Variants in ATRN observed in about 807,000 individuals in gnomAD.
ATRN encodes the protein attractin.
A neutral mutation model predicts 178.7 loss-of-function variants in ATRN; 54 were observed. That is an observed-to-expected ratio of 0.30 (90% CI 0.24 to 0.38). ATRN has a LOEUF of 0.38. Among genes scored for constraint, ATRN ranks in the 10% least tolerant of loss-of-function variants. The pLI is 1.00. For missense variants in ATRN, 1,443 were observed against 1,815.1 expected, an observed-to-expected ratio of 0.79 and a Z score of 3.73; for synonymous variants, 636 against 663.0, an observed-to-expected ratio of 0.96 and a Z score of 0.63.
intron 25 of ATRN, among the ~76,000 whole-genome samples, chr20:3,634,108 A>G (rs2087008062): frequency 6.6e-6 from 1 of 152,218 alleles, no homozygotes; most frequent in African/African-American, 2.4e-5. Context: ...GATACAGTCT[A>G]GAGGCCTGGT....
chr20:3,508,691 A>G (rs2085081157), intron 1 of ATRN, among the ~76,000 whole-genome samples: 1 of 152,234 alleles, frequency 6.6e-6, no homozygotes, highest in Non-Finnish European at 1.5e-5. Context: ...AGAGATTCTA[A>G]GAGGAATGAG....
At chr20:3,489,588 T>C in intron 1 of ATRN, 27 of 1,485,440 alleles carry the variant, frequency 1.8e-5, no homozygotes, top group Non-Finnish European at 2.3e-5. Flanking sequence ...ACATTCCCAC[T>C]TGAGTCTTCA....
intron 3 of ATRN, among the ~76,000 whole-genome samples, chr20:3,543,820 C>T (rs2085660279): frequency 6.6e-6 from 1 of 152,048 alleles, no homozygotes; most frequent in East Asian, 1.9e-4. Context: ...ATTACTTGAT[C>T]CCAGGAGTTC....
At chr20:3,478,674 TAA>T in intron 1 of ATRN, among the ~76,000 whole-genome samples, 1 of 152,294 alleles carries the variant, frequency 6.6e-6, no homozygotes, top group Middle Eastern at 3.4e-3. Flanking sequence ...TCCCAGAACT[TAA>T]AGTGTAATAA....
At chr20:3,555,823 G>A (rs2085869327) in intron 6 of ATRN, among the ~76,000 whole-genome samples, 6 of 152,204 alleles carry the variant, frequency 3.9e-5, no homozygotes, top group Admixed American at 3.9e-4. Flanking sequence ...AAGTGGCATC[G>A]TAGCTAGTGC....
intron 24 of ATRN, among the ~76,000 whole-genome samples, chr20:3,623,635 C>T (rs905337793): frequency 7.9e-5 from 12 of 152,040 alleles, no homozygotes; most frequent in African/African-American, 2.4e-4. Flanking sequence ...GTAATTGTTT[C>T]GTTTATAGTA....
intron 19 of ATRN, among the ~76,000 whole-genome samples, chr20:3,593,130 AC>A (rs1173816173): frequency 1.3e-5 from 2 of 152,122 alleles, no homozygotes; most frequent in Non-Finnish European, 2.9e-5. Flanking sequence ...GTCTGTGCTG[AC>A]CTTAATTACT....
chr20:3,630,916 CTTTTTTTTTTTTTTTTT>C (rs368394749), intron 25 of ATRN, among the ~76,000 whole-genome samples: 32 of 43,442 alleles, frequency 7.4e-4, no homozygotes, highest in Non-Finnish European at 1.1e-3. Context: ...ATTTATTTAG[CTTTTTTTTTTTTTTTTT>C]TTTTTTTTTT....
intron 23 of ATRN, among the ~76,000 whole-genome samples, chr20:3,603,858 T>A (rs2086644728): frequency 6.6e-6 from 1 of 152,174 alleles, no homozygotes; most frequent in African/African-American, 2.4e-5. Context: ...TATCTCCATT[T>A]CTTGTTGGCT....
At chr20:3,538,530 C>A (rs61130143) in intron 2 of ATRN, among the ~76,000 whole-genome samples, 42 of 152,296 alleles carry the variant, frequency 2.8e-4, no homozygotes, top group Middle Eastern at 3.4e-3. Flanking sequence ...TTCATTGCCA[C>A]CTGACACCCT....
intron 24 of ATRN, among the ~76,000 whole-genome samples, chr20:3,621,525 C>T (rs970606916): frequency 2.6e-5 from 4 of 152,096 alleles, no homozygotes; most frequent in East Asian, 1.9e-4. Context: ...AGTCGTAGGA[C>T]GTGAATTCTA....
chr20:3,551,742 A>G (rs1445298918), intron 6 of ATRN, among the ~76,000 whole-genome samples: 2 of 151,978 alleles, frequency 1.3e-5, no homozygotes, highest in Non-Finnish European at 2.9e-5. Flanking sequence ...ATTCTCAGTT[A>G]ATGGCCTTGC....
At chr20:3,505,438 T>G (rs2085029578) in intron 1 of ATRN, among the ~76,000 whole-genome samples, 1 of 152,238 alleles carries the variant, frequency 6.6e-6, no homozygotes, top group Non-Finnish European at 1.5e-5. Context: ...AGCTTGCAGA[T>G]AGCCTGTCGT....
intron 1 of ATRN, among the ~76,000 whole-genome samples, chr20:3,515,679 TAGAC>T (rs888682083): frequency 6.6e-6 from 1 of 152,152 alleles, no homozygotes; most frequent in Non-Finnish European, 1.5e-5. Context: ...AGAAGAGAAG[TAGAC>T]AGTAGCCTGA....
At chr20:3,625,619 A>C (rs2086931861) in intron 25 of ATRN, among the ~76,000 whole-genome samples, 2 of 152,268 alleles carry the variant, frequency 1.3e-5, no homozygotes, top group South Asian at 4.2e-4. Context: ...GAACTGAAAA[A>C]TCTCACAATG....
At chr20:3,613,441 A>C (rs2086794356) in intron 24 of ATRN, among the ~76,000 whole-genome samples, 2 of 152,126 alleles carry the variant, frequency 1.3e-5, no homozygotes, top group Non-Finnish European at 2.9e-5. Context: ...TCATGTTCTC[A>C]ACAAGGGCTG....
chr20:3,511,768 C>T (rs1000373719), intron 1 of ATRN, among the ~76,000 whole-genome samples: 3 of 152,166 alleles, frequency 2.0e-5, no homozygotes, highest in African/African-American at 7.2e-5. Flanking sequence ...AAAAATCACA[C>T]GTAGCTTATT....
intron 1 of ATRN, among the ~76,000 whole-genome samples, chr20:3,482,691 T>C (rs984451389): frequency 2.6e-5 from 4 of 152,254 alleles, no homozygotes; most frequent in East Asian, 3.8e-4. Context: ...TCAGAACTTA[T>C]ATATAAATAT....
At position 3,576,887 on chromosome 20, in the gene ATRN, C is replaced by T. The variant is rs1311056632; in HGVS notation, c.2243C>T (p.Pro748Leu). ...QISIFRYENC[P>L]KDNPMYYCNK... ...TCCATTTTTAGGTATGAGAATTGCC[C>T]CAAGGATAACCCCATGTACTACTGT... Residue 748 changes from proline (P) to leucine (L), a missense_variant, in exon 14 of 29, where the codon CCC becomes CTC. Pro to Leu is a moderately conservative substitution (Grantham distance 98). Transcript: ENST00000262919. The T allele has an allele frequency of 6.2e-7, 1 of 1,614,024 alleles. No individual in the cohort carries two copies. The highest frequency in any genetic ancestry group is 2.2e-5 in the East Asian group (1 of 44,886).
Sources: gnomAD v4.1 joint callset for allele counts (sites outside exome capture counted in the v4.1 genomes callset) on GRCh38, gnomAD v4.1.1 for gene constraint, MANE v1.5 for transcripts, NCBI Gene and HGNC (gene_info 2026-07-23, HGNC 2026-07-21) for gene names.